The following BCKDHB variants were observed in gnomAD, a reference collection of about 807,000 sequenced individuals.
BCKDHB encodes the protein branched chain keto acid dehydrogenase E1 subunit beta.
BCKDHB carries 41 observed loss-of-function variants against 48.5 expected under a neutral mutation model. The observed-to-expected ratio is 0.85, with a 90% CI of 0.66 to 1.10. The LOEUF is 1.10. BCKDHB is among the 50% of genes least tolerant of loss of function. BCKDHB has a pLI of 0.00. For synonymous variants in BCKDHB, 201 were observed against 174.8 expected, an observed-to-expected ratio of 1.15 and a Z score of -1.18; for missense variants, 496 against 494.2, an observed-to-expected ratio of 1.00 and a Z score of -0.03.
At chr6:80,246,782 C>T (rs1161490960) in intron 8 of BCKDHB, among the ~76,000 whole-genome samples, 1 of 151,948 alleles carries the variant, frequency 6.6e-6, no homozygotes, top group Non-Finnish European at 1.5e-5. Context: ...AATGTTTTAC[C>T]ATCTTACCAC....
the BCKDHB span, among the ~76,000 whole-genome samples, chr6:80,353,715 T>C: frequency 6.6e-6 from 1 of 152,032 alleles, no homozygotes; most frequent in Non-Finnish European, 1.5e-5. Context: ...TAGCTGGGTG[T>C]GGTGACACGT....
chr6:80,158,866 G>C lies in BCKDHB; in HGVS notation c.344-8812G>C, dbSNP rs967599695. 1.0e-3 allele frequency among the ~76,000 whole-genome samples: 155 copies of C among 152,292 alleles called. 1 individual carries two copies. Among genetic ancestry groups the C allele is most frequent in the African/African-American group, 3.6e-3 (148 of 41,570 alleles). On this transcript the variant is annotated intron_variant, in intron 3 of 9. Coordinates refer to ENST00000320393, the MANE Select transcript of BCKDHB (RefSeq NM_183050.4). Reference sequence around the variant, plus strand: ...GGTGATCTTCACAAATGGGTGATCTGGGCTTCATGCATCATAGTGTTCACC... The same window carrying C: ...GGTGATCTTCACAAATGGGTGATCTCGGCTTCATGCATCATAGTGTTCACC...
intron 8 of BCKDHB, among the ~76,000 whole-genome samples, chr6:80,211,813 C>T (rs1774946819): frequency 6.6e-6 from 1 of 152,176 alleles, no homozygotes; most frequent in African/African-American, 2.4e-5. Context: ...AGGACTTTTA[C>T]AGCTGGGCCA....
At chr6:80,146,091 G>A (rs1424565875) in intron 3 of BCKDHB, among the ~76,000 whole-genome samples, 1 of 152,126 alleles carries the variant, frequency 6.6e-6, no homozygotes, top group Admixed American at 6.6e-5. Context: ...TGACATGCCA[G>A]TCTCACCCCA....
downstream of BCKDHB, among the ~76,000 whole-genome samples, chr6:80,347,774 C>A (rs1240042181): frequency 6.6e-6 from 1 of 152,116 alleles, no homozygotes; most frequent in African/African-American, 2.4e-5. Flanking sequence ...TCCAATAAAC[C>A]TTTACAGTTA....
chr6:80,380,131 C>T, the BCKDHB span, among the ~76,000 whole-genome samples: 3 of 151,998 alleles, frequency 2.0e-5, no homozygotes, highest in African/African-American at 7.2e-5. Flanking sequence ...ATAGCCAAAG[C>T]ACTCCTAAGC....
At chr6:80,413,140 A>G in the BCKDHB span, among the ~76,000 whole-genome samples, 3 of 152,278 alleles carry the variant, frequency 2.0e-5, no homozygotes, top group East Asian at 5.8e-4. Context: ...TTATAATGAT[A>G]TATAATTACT....
chr6:80,331,612 A>G (rs1035473249), intron 9 of BCKDHB, among the ~76,000 whole-genome samples: 7 of 152,192 alleles, frequency 4.6e-5, no homozygotes, highest in African/African-American at 1.7e-4. Context: ...GCACTCATCT[A>G]TAATACTCAT....
At chr6:80,168,842 G>T (rs752300521) in intron 4 of BCKDHB, 33 bp from the exon 5 acceptor site, 4 of 1,611,082 alleles carry the variant, frequency 2.5e-6, no homozygotes, top group Non-Finnish European at 3.4e-6. Context: ...AGGACTCATT[G>T]TGCCATGCCC....
chr6:80,396,448 G>T, the BCKDHB span, among the ~76,000 whole-genome samples: 3 of 152,352 alleles, frequency 2.0e-5, no homozygotes, highest in East Asian at 3.9e-4. Flanking sequence ...GGACTTTTGG[G>T]TTAATGTGGG....
At chr6:80,135,605 T>A (rs889081608) in intron 3 of BCKDHB, among the ~76,000 whole-genome samples, 1 of 152,202 alleles carries the variant, frequency 6.6e-6, no homozygotes, top group African/African-American at 2.4e-5. Flanking sequence ...TAGATGAACA[T>A]GTTTAATATG....
intron 6 of BCKDHB, among the ~76,000 whole-genome samples, chr6:80,200,501 A>T (rs926837396): frequency 2.6e-5 from 4 of 152,226 alleles, no homozygotes; most frequent in African/African-American, 9.7e-5. Flanking sequence ...ATGTAATAAC[A>T]ATTTTTAAGA....
At chr6:80,241,701 A>G (rs762884064) in intron 8 of BCKDHB, among the ~76,000 whole-genome samples, 5 of 152,156 alleles carry the variant, frequency 3.3e-5, no homozygotes, top group Non-Finnish European at 7.3e-5. Flanking sequence ...CATTATCAGC[A>G]TTTTGAACTT....
At chr6:80,306,617 A>T (rs1767889953) in intron 9 of BCKDHB, among the ~76,000 whole-genome samples, 1 of 152,256 alleles carries the variant, frequency 6.6e-6, no homozygotes, top group South Asian at 2.1e-4. Flanking sequence ...GTGTGTGTTG[A>T]TAGACACCAA....
intron 6 of BCKDHB, among the ~76,000 whole-genome samples, chr6:80,193,252 A>C (rs1213558210): frequency 3.3e-5 from 5 of 152,204 alleles, no homozygotes; most frequent in African/African-American, 1.2e-4. Flanking sequence ...AAGTGGGTCC[A>C]AGACTTTCTG....
chr6:80,449,245 C>G, the BCKDHB span, among the ~76,000 whole-genome samples: 1 of 152,082 alleles, frequency 6.6e-6, no homozygotes, highest in Non-Finnish European at 1.5e-5. Flanking sequence ...GTAGAATGCC[C>G]TAAACTTTGA....
At chr6:80,107,453 C>CCA (rs1349060636) in intron 1 of BCKDHB, among the ~76,000 whole-genome samples, 1 of 119,804 alleles carries the variant, frequency 8.3e-6, no homozygotes, top group African/African-American at 3.7e-5. Context: ...GTGTATATAT[C>CCA]CACACACATA....
intron 8 of BCKDHB, among the ~76,000 whole-genome samples, chr6:80,232,769 C>CAT (rs3074573): frequency 0.87 from 130,022 of 149,506 alleles, 56,798 homozygotes; most frequent in East Asian, 0.99. Flanking sequence ...ATAGATATAA[C>CAT]ATCTATATCT....
chr6:80,403,414 T>C, the BCKDHB span, among the ~76,000 whole-genome samples: 7 of 151,972 alleles, frequency 4.6e-5, no homozygotes, highest in Non-Finnish European at 8.8e-5. Context: ...TCATAACTGA[T>C]TTTTGTATGT....
Sources: allele counts gnomAD v4.1 joint callset (sites outside exome capture counted in the v4.1 genomes callset), GRCh38; gene constraint gnomAD v4.1.1; transcripts MANE v1.5; gene names NCBI Gene and HGNC (gene_info 2026-07-23, HGNC 2026-07-21).